The following PLEKHA5 variants were observed in gnomAD, a reference collection of about 807,000 sequenced individuals.
PLEKHA5 encodes the protein pleckstrin homology domain-containing family A member 5.
In PLEKHA5, 55 loss-of-function variants were observed where a neutral mutation model predicts 181.9. The ratio of observed to expected loss-of-function variants is 0.30; its 90% confidence interval spans 0.24 to 0.38. The LOEUF (loss-of-function observed/expected upper bound fraction) is 0.38, where lower values mean the gene tolerates loss of function less well. Ranked by LOEUF, PLEKHA5 falls within the 10% of genes least tolerant of loss-of-function variation. PLEKHA5 has a pLI of 1.00. For synonymous variants in PLEKHA5, 535 were observed against 529.4 expected (o/e 1.01, Z -0.15); for missense variants, 1,432 against 1,549.5 (o/e 0.92, Z 1.27).
intron 3 of PLEKHA5, among the ~76,000 whole-genome samples, chr12:19,196,172 C>G (rs1299282745): frequency 2.0e-5 from 3 of 152,086 alleles, no homozygotes; most frequent in African/African-American, 4.8e-5. Context: ...TTTGAAAAAT[C>G]TATCATCTTC....
intron 15 of PLEKHA5, chr12:19,306,815 GACAA>G: frequency 1.2e-6 from 1 of 818,606 alleles, no homozygotes; most frequent in Non-Finnish European, 2.2e-6. Context: ...CACCATGTCT[GACAA>G]ACACTGTATT....
intron 28 of PLEKHA5, among the ~76,000 whole-genome samples, chr12:19,360,453 A>G (rs1439626632): frequency 2.0e-5 from 3 of 152,056 alleles, no homozygotes; most frequent in South Asian, 2.1e-4. Flanking sequence ...TAAAAAATAC[A>G]AGAGTTAGCC....
intron 28 of PLEKHA5, 82 bp downstream of exon 28, chr12:19,359,628 T>G: frequency 7.1e-7 from 1 of 1,402,318 alleles, no homozygotes; most frequent in Non-Finnish European, 1.0e-6. Context: ...GAAAATAAAG[T>G]GTGTTTCTTT....
chr12:19,368,819 C>T (rs530048938), intron 30 of PLEKHA5, among the ~76,000 whole-genome samples: 49 of 151,920 alleles, frequency 3.2e-4, no homozygotes, highest in African/African-American at 1.1e-3. Context: ...GTAGTGTGCA[C>T]AGGAGGTCTC....
chr12:19,173,857 G>A (rs2046584165), intron 3 of PLEKHA5, among the ~76,000 whole-genome samples: 1 of 152,158 alleles, frequency 6.6e-6, no homozygotes, highest in South Asian at 2.1e-4. Flanking sequence ...AAAATTAGGA[G>A]CCACCATCAA....
At chr12:19,227,941 A>G (rs2059920392) in intron 3 of PLEKHA5, among the ~76,000 whole-genome samples, 1 of 152,184 alleles carries the variant, frequency 6.6e-6, no homozygotes, top group African/African-American at 2.4e-5. Context: ...TTCATATCAC[A>G]TCTCATTTTC....
chr12:19,340,477 C>T (rs1425588583), intron 21 of PLEKHA5, among the ~76,000 whole-genome samples: 111 of 138,312 alleles, frequency 8.0e-4, no homozygotes, highest in Middle Eastern at 7.2e-3. Flanking sequence ...TGAGAACGGG[C>T]CATGATGACA....
intron 3 of PLEKHA5, among the ~76,000 whole-genome samples, chr12:19,249,804 CTG>C (rs1463714782): frequency 1.3e-5 from 2 of 152,312 alleles, no homozygotes; most frequent in East Asian, 3.9e-4. Flanking sequence ...ATTTCAGAAA[CTG>C]TGCTCTCAAC....
intron 25 of PLEKHA5, 147 bp from the exon 26 acceptor site, chr12:19,353,737 G>A: frequency 1.8e-6 from 1 of 556,832 alleles, no homozygotes; most frequent in Non-Finnish European, 3.3e-6. Context: ...GGGATTACAG[G>A]CGTGAGCCAC....
At chr12:19,172,536 ACATCAGTAGT>A (rs1331392957) in intron 3 of PLEKHA5, among the ~76,000 whole-genome samples, 5 of 152,232 alleles carry the variant, frequency 3.3e-5, no homozygotes, top group Non-Finnish European at 5.9e-5. Flanking sequence ...AATCTGCGCA[ACATCAGTAGT>A]CATTAGGGAA....
At chr12:19,323,016 ATTTTTTTTTTTTTT>A (rs538132540) in intron 20 of PLEKHA5, among the ~76,000 whole-genome samples, 1 of 92,766 alleles carries the variant, frequency 1.1e-5, no homozygotes, top group African/African-American at 4.3e-5. Context: ...ACCTGGCTAG[ATTTTTTTTTTTTTT>A]TTTTTTTTTT....
intron 6 of PLEKHA5, among the ~76,000 whole-genome samples, chr12:19,258,898 C>T (rs569487432): frequency 1.3e-5 from 2 of 152,020 alleles, no homozygotes; most frequent in African/African-American, 4.8e-5. Context: ...CCATATTTTC[C>T]AGCTAGTCTT....
At chr12:19,165,275 T>G (rs2044052005) in intron 3 of PLEKHA5, among the ~76,000 whole-genome samples, 2 of 152,188 alleles carry the variant, frequency 1.3e-5, no homozygotes, top group African/African-American at 4.8e-5. Context: ...TAAATGGCTT[T>G]GTAAGAAACA....
At position 19,375,876 on chromosome 12, in the gene PLEKHA5, A is replaced by G. The variant is rs556297367; in HGVS notation, c.*357A>G. 1 of 152,480 alleles carries G rather than the reference A, an allele frequency of 6.6e-6. No homozygotes were observed. The highest frequency in any genetic ancestry group is 2.1e-4 in the South Asian group (1 of 4,816). 9.4% of individuals were successfully genotyped at this position (152,480 alleles called of 1,614,324 possible). A position where few individuals can be genotyped will look rare whatever the true frequency, so the allele number is the denominator to read the frequency against. On this transcript the variant is annotated 3_prime_UTR_variant, in exon 32 of 32. Coordinates refer to ENST00000429027, the MANE Select transcript of PLEKHA5 (RefSeq NM_001256470.2). ...CTTAAGTCTAGGTGAATTTATATAT[A>G]TATTTTTTTGCTTTTCATTTTCTAA...
At chr12:19,307,045 C>T in intron 15 of PLEKHA5, 1 of 1,468,482 alleles carries the variant, frequency 6.8e-7, no homozygotes, top group East Asian at 2.3e-5. Flanking sequence ...GCTTGGGCTT[C>T]CTGGAGCAAA....
At chr12:19,297,394 A>G (rs1415490388) in intron 15 of PLEKHA5, among the ~76,000 whole-genome samples, 2 of 151,114 alleles carry the variant, frequency 1.3e-5, no homozygotes, top group Admixed American at 6.6e-5. Flanking sequence ...AGGCCGAGGC[A>G]GGTGGATCAT....
chr12:19,279,040 G>T (rs2075364708), intron 11 of PLEKHA5, among the ~76,000 whole-genome samples: 1 of 152,104 alleles, frequency 6.6e-6, no homozygotes, highest in Admixed American at 6.6e-5. Context: ...AGTTTATGAT[G>T]AAATCATCTT....
At chr12:19,231,871 G>A (rs893609377) in intron 3 of PLEKHA5, among the ~76,000 whole-genome samples, 1 of 151,942 alleles carries the variant, frequency 6.6e-6, no homozygotes, top group Non-Finnish European at 1.5e-5. Flanking sequence ...AGATGAAAAT[G>A]TAAAGATTCC....
chr12:19,352,076 C>CAAAAAA (rs1188985121), intron 25 of PLEKHA5, among the ~76,000 whole-genome samples: 2 of 39,860 alleles, frequency 5.0e-5, no homozygotes, highest in African/African-American at 1.8e-4. Context: ...AACTCCATCT[C>CAAAAAA]AAAAAAAAAA....
Sources: gnomAD v4.1 joint callset for allele counts (sites outside exome capture counted in the v4.1 genomes callset) on GRCh38, gnomAD v4.1.1 for gene constraint, MANE v1.5 for transcripts, NCBI Gene and HGNC (gene_info 2026-07-23, HGNC 2026-07-21) for gene names.